Variants in HSF2BP observed in about 807,000 individuals in gnomAD.
The protein encoded by HSF2BP is heat shock factor 2-binding protein.
In HSF2BP, 35 loss-of-function variants were observed where a neutral mutation model predicts 35.0. The observed-to-expected ratio is 1.00, with a 90% CI of 0.76 to 1.32. The LOEUF is 1.32. Among genes scored for constraint, HSF2BP ranks in the 40% most tolerant of loss-of-function variants. The probability of loss-of-function intolerance (pLI) is 0.00; values close to 1 mark genes in which losing one functional copy is unlikely to be tolerated. For missense variants in HSF2BP, 326 were observed against 321.7 expected, an observed-to-expected ratio of 1.01 and a Z score of -0.10; for synonymous variants, 114 against 117.4, an observed-to-expected ratio of 0.97 and a Z score of 0.18.
At chr21:43,633,503 T>C in intron 4 of HSF2BP, 82 bp from the exon 5 acceptor site, 1 of 1,195,072 alleles carries the variant, frequency 8.4e-7, no homozygotes, top group South Asian at 1.8e-5. Flanking sequence ...TTCACAAAGA[T>C]ATTTATTAAA....
In HSF2BP at chr21:43,613,939, C is replaced by A; in HGVS notation, c.583G>T (p.Ala195Ser). 6.2e-7 allele frequency: 1 copy of A among 1,606,746 alleles called. No homozygotes were observed. Among genetic ancestry groups the A allele is most frequent in the South Asian group, 1.1e-5 (1 of 89,658 alleles). The change falls in exon 7 of 9, where the codon GCT becomes TCT. Residue 195 changes from alanine (A) to serine (S), a missense_variant. Physicochemically the swap from Ala to Ser is moderately conservative, Grantham distance 99. Transcript: ENST00000291560. ...ALAGIVTNVA[A>S]IACGREFLVN... is the part of the protein sequence containing the mutation. ...AAGAATTCACGACCACATGCTATAG[C>A]AGCAACATCTGCAACAGAAAATGAA...
rs572864568 is a variant in HSF2BP at position 43,628,252 on chromosome 21, G to A, written c.574+2070C>T. Among the ~76,000 whole-genome samples the A allele has an allele frequency of 2.4e-4, 37 of 152,232 alleles. No individual in the cohort carries two copies. In the South Asian group the frequency reaches 2.5e-3, roughly 10 times the overall value. On this transcript the variant is annotated intron_variant, in intron 6 of 8. Transcript: ENST00000291560. ...ACCTGCTGAAAGTTAGACCTCTTGT[G>A]CCAAACAGCCAAGTTATGACTGCAA...
rs140648581 is a variant in HSF2BP at position 43,647,983 on chromosome 21, T to A, written c.188-3591A>T. Among the ~76,000 whole-genome samples the A allele has an allele frequency of 4.8e-4, 72 of 149,864 alleles. No individual in the cohort carries two copies. In the East Asian group the frequency reaches 0.014, roughly 28 times the overall value. On this transcript the variant is annotated intron_variant, in intron 3 of 8. Coordinates refer to ENST00000291560, the MANE Select transcript of HSF2BP (RefSeq NM_007031.2). ...ATCAATCTTGCTGAACTCAAATTAA[T>A]TCTGTTGATTTCCCAAACCAGAGTC...
Position 43,644,286 on chromosome 21 carries a change from T to C in HSF2BP, c.291+3A>G, listed in dbSNP as rs1409402307. 1 of 1,611,756 alleles carries C rather than the reference T, an allele frequency of 6.2e-7. No homozygotes were observed. Among genetic ancestry groups the C allele is most frequent in the African/African-American group, 1.3e-5 (1 of 74,994 alleles). ...GGTGAGAGTCTGTCCCTGAGCATGGTACCTTCTTCTCTCTTATGTTGTCGG... is the reference window on the plus strand; with the variant it reads ...GGTGAGAGTCTGTCCCTGAGCATGGCACCTTCTTCTCTCTTATGTTGTCGG... On this transcript the variant is annotated splice_donor_region_variant and intron_variant, in intron 4 of 8. Transcript: ENST00000291560.
intron 6 of HSF2BP, among the ~76,000 whole-genome samples, chr21:43,629,513 C>T (rs538697984): frequency 6.6e-6 from 1 of 152,252 alleles, no homozygotes; most frequent in African/African-American, 2.4e-5. Flanking sequence ...TGCAGTGAGC[C>T]GAGATCACGC....
chr21:43,614,016 CAGAGT>C, intron 6 of HSF2BP, 69 bp from the exon 7 acceptor site: 1 of 1,131,594 alleles, frequency 8.8e-7, no homozygotes, highest in Non-Finnish European at 1.3e-6. Flanking sequence ...TTGTGCAGAA[CAGAGT>C]ATTTTCTCCT....
At chr21:43,632,142 C>G (rs1372161891) in intron 5 of HSF2BP, among the ~76,000 whole-genome samples, 1 of 55,746 alleles carries the variant, frequency 1.8e-5, no homozygotes. Flanking sequence ...CACGCTCCCA[C>G]ACACACACTC....
chr21:43,604,228 C>T (rs2082086077), intron 7 of HSF2BP, among the ~76,000 whole-genome samples: 1 of 149,442 alleles, frequency 6.7e-6, no homozygotes, highest in African/African-American at 2.5e-5. Flanking sequence ...ACAGCACACA[C>T]CACACACCAC....
chr21:43,596,058 G>A (rs896952929), intron 7 of HSF2BP, among the ~76,000 whole-genome samples: 27 of 151,980 alleles, frequency 1.8e-4, no homozygotes, highest in African/African-American at 6.5e-4. Context: ...AGTTCATCAG[G>A]AGGGTAGCAT....
At chr21:43,655,369 G>C (rs573569311) in intron 3 of HSF2BP, among the ~76,000 whole-genome samples, 5 of 152,308 alleles carry the variant, frequency 3.3e-5, no homozygotes, top group Middle Eastern at 3.4e-3. Context: ...GTGGGAAAGA[G>C]AAATCAACCC....
chr21:43,621,048 A>G (rs1485655040), intron 6 of HSF2BP, among the ~76,000 whole-genome samples: 1 of 152,240 alleles, frequency 6.6e-6, no homozygotes. Context: ...AACTTAAGAT[A>G]TAAATATCCA....
intron 7 of HSF2BP, among the ~76,000 whole-genome samples, chr21:43,602,424 C>A (rs1017101898): frequency 9.2e-5 from 14 of 152,348 alleles, no homozygotes; most frequent in Admixed American, 4.6e-4. Context: ...CCCTCATTTG[C>A]CCACAAAGGT....
Position 43,647,928 on chromosome 21 carries a change from CAAAAAAA to C in HSF2BP, c.188-3543_188-3537del, listed in dbSNP as rs774339620. ...TGGGCGACAGAGCAAGACTTCATCT[CAAAAAAA>C]AAAAAAAAAAAAAAAAACTAAAATC... is the stretch of plus-strand genomic sequence containing the variant. On this transcript the variant is annotated intron_variant, in intron 3 of 8. Transcript: ENST00000291560. Among the ~76,000 whole-genome samples, 6 of 76,812 alleles carry C rather than the reference CAAAAAAA, an allele frequency of 7.8e-5. No individual in the cohort carries two copies. In the East Asian group the frequency reaches 1.8e-3, roughly 23 times the overall value. The allele number at this position is 76,812 out of a possible 152,430, so 50.4% of individuals were successfully genotyped here. A position where few individuals can be genotyped will look rare whatever the true frequency, so the allele number is the denominator to read the frequency against.
At chr21:43,595,726 ATTTTTTTTT>A (rs770855952) in intron 7 of HSF2BP, among the ~76,000 whole-genome samples, 196 of 58,432 alleles carry the variant, frequency 3.4e-3, no homozygotes, top group African/African-American at 0.01. Flanking sequence ...TAAGAGGCTA[ATTTTTTTTT>A]TTTTTTTTTT....
At chr21:43,636,894 C>CAAAAAAAAAAAAAAAAAAAAGAAA (rs2082568227) in intron 4 of HSF2BP, among the ~76,000 whole-genome samples, 1 of 112,044 alleles carries the variant, frequency 8.9e-6, no homozygotes, top group Non-Finnish European at 1.8e-5. Context: ...CGTCTCAAAA[C>CAAAAAAAAAAAAAAAAAAAAGAAA]AAAAAAAAAA....
intron 6 of HSF2BP, among the ~76,000 whole-genome samples, chr21:43,617,791 T>C (rs1040129326): frequency 1.3e-5 from 2 of 151,786 alleles, no homozygotes; most frequent in Admixed American, 6.6e-5. Context: ...CCATCTCTAC[T>C]AAAAATACAA....
chr21:43,658,263 G>A lies in HSF2BP; in HGVS notation c.-167C>T. The A allele has an allele frequency of 1.3e-6, 1 of 757,382 alleles. No individual in the cohort carries two copies. The allele number at this position is 757,382 out of a possible 1,614,324, so 46.9% of individuals were successfully genotyped here. On this transcript the variant is annotated 5_prime_UTR_variant, in exon 2 of 9. Coordinates refer to ENST00000291560, the MANE Select transcript of HSF2BP (RefSeq NM_007031.2). ...TTCTCGGCCTAGAGAGCGAGGAGTG[G>A]CCTTGGCGAGGTCCCTCTTTGGCTC...
intron 4 of HSF2BP, among the ~76,000 whole-genome samples, chr21:43,639,413 T>A (rs1453504970): frequency 6.6e-6 from 1 of 152,124 alleles, no homozygotes; most frequent in East Asian, 1.9e-4. Flanking sequence ...AGCAAAGGAC[T>A]TCTATCTAGA....
chr21:43,579,408 T>C (rs759616944), intron 8 of HSF2BP, among the ~76,000 whole-genome samples: 1 of 152,238 alleles, frequency 6.6e-6, no homozygotes, highest in Non-Finnish European at 1.5e-5. Context: ...CCTACTTTGA[T>C]GCCACAGATG....
Sources: gnomAD v4.1 joint callset for allele counts (sites outside exome capture counted in the v4.1 genomes callset) on GRCh38, gnomAD v4.1.1 for gene constraint, MANE v1.5 for transcripts, NCBI Gene and HGNC (gene_info 2026-07-23, HGNC 2026-07-21) for gene names.